Variants in C6orf118 observed in about 807,000 individuals in gnomAD.
C6orf118 encodes the protein chromosome 6 open reading frame 118.
In C6orf118, 50 loss-of-function variants were observed where a neutral mutation model predicts 50.2. The ratio of observed to expected loss-of-function variants is 1.00; its 90% CI spans 0.79 to 1.26. C6orf118 has a LOEUF of 1.26. Ranked by LOEUF, C6orf118 falls within the 50% of genes most tolerant of loss-of-function variation. The probability of loss-of-function intolerance (pLI) is 0.00; values close to 1 mark genes in which losing one functional copy is unlikely to be tolerated. For missense variants in C6orf118, 641 were observed against 578.7 expected (o/e 1.11, Z -1.10); for synonymous variants, 239 against 230.9 (o/e 1.03, Z -0.32).
chr6:165,306,315 G>A (rs1296454095), intron 1 of C6orf118, among the ~76,000 whole-genome samples: 2 of 65,192 alleles, frequency 3.1e-5, no homozygotes, highest in Admixed American at 1.9e-4. Flanking sequence ...CACACTCTGG[G>A]GACTGTGGTG....
At chr6:165,299,249 A>G (rs1328146650) in intron 4 of C6orf118, among the ~76,000 whole-genome samples, 194 bp downstream of exon 4, 2 of 152,256 alleles carry the variant, frequency 1.3e-5, no homozygotes, top group East Asian at 1.9e-4. Flanking sequence ...TGCTATGCCA[A>G]TCAAAAGGAA....
At chr6:165,289,618 C>T (rs1398624646) in intron 7 of C6orf118, among the ~76,000 whole-genome samples, 1 of 152,056 alleles carries the variant, frequency 6.6e-6, no homozygotes, top group East Asian at 1.9e-4. Flanking sequence ...GGCTATTATT[C>T]CACTCTGTAT....
rs1165464424 is a variant in C6orf118 at position 165,290,057 on chromosome 6, C to G, written c.1131G>C (p.Glu377Asp). 1.3e-6 allele frequency: 2 copies of G among 1,588,506 alleles called. No individual in the cohort carries two copies. The highest frequency in any genetic ancestry group is 2.7e-5 in the African/African-American group (2 of 73,794). ...QSAKERSESS[E>D]KHIIDENRLT... ...GTCGGTTTTCATCAATTATATGTTT[C>G]TCAGATGATTCTGGAAATATTTTTT... Residue 377 changes from glutamate (E) to aspartate (D), a missense_variant, in exon 7 of 9, where the codon GAG becomes GAC. Glu to Asp is a conservative substitution (Grantham distance 45). Coordinates refer to ENST00000230301, the MANE Select transcript of C6orf118 (RefSeq NM_144980.4).
At chr6:165,299,369 G>A in intron 4 of C6orf118, 74 bp downstream of exon 4, 2 of 1,362,188 alleles carry the variant, frequency 1.5e-6, no homozygotes, top group East Asian at 2.3e-5. Flanking sequence ...GATTCAGAAA[G>A]GTTTCCACTG....
At chr6:165,302,429 G>T in intron 1 of C6orf118, 133 bp from the exon 2 acceptor site, 1 of 1,169,042 alleles carries the variant, frequency 8.6e-7, no homozygotes, top group Non-Finnish European at 1.2e-6. Flanking sequence ...AGAGTACATG[G>T]CCCAGCCCTT....
intron 6 of C6orf118, among the ~76,000 whole-genome samples, chr6:165,292,727 A>G (rs1159280000): frequency 6.6e-6 from 1 of 152,210 alleles, no homozygotes; most frequent in African/African-American, 2.4e-5. Context: ...GACAGAGAAC[A>G]GGCGGGACAA....
chr6:165,283,929 G>T (rs979438167), intron 7 of C6orf118, among the ~76,000 whole-genome samples: 1 of 152,168 alleles, frequency 6.6e-6, no homozygotes, highest in African/African-American at 2.4e-5. Flanking sequence ...TCCTCCAAAT[G>T]ATCTCAACAC....
intron 6 of C6orf118, 126 bp downstream of exon 6, chr6:165,293,287 G>A (rs762678314): frequency 1.8e-5 from 16 of 885,608 alleles, no homozygotes; most frequent in African/African-American, 6.6e-5. Context: ...TTGAATTCTC[G>A]CAACAAAACT....
intron 7 of C6orf118, among the ~76,000 whole-genome samples, chr6:165,289,553 G>C (rs1453230213): frequency 6.6e-6 from 1 of 152,058 alleles, no homozygotes; most frequent in Non-Finnish European, 1.5e-5. Flanking sequence ...TACCCAGTAG[G>C]TAGTATTTCA....
intron 1 of C6orf118, among the ~76,000 whole-genome samples, chr6:165,304,632 T>C (rs1451852514): frequency 8.5e-5 from 1 of 11,698 alleles, no homozygotes; most frequent in Non-Finnish European, 1.4e-4. Flanking sequence ...AGTCTCAGGA[T>C]ACAAAATCAA....
chr6:165,308,882 T>C (rs1780841516), intron 1 of C6orf118, among the ~76,000 whole-genome samples: 1 of 152,214 alleles, frequency 6.6e-6, no homozygotes, highest in Non-Finnish European at 1.5e-5. Flanking sequence ...TTCTTTTAAA[T>C]CATTTTCTTG....
intron 1 of C6orf118, among the ~76,000 whole-genome samples, chr6:165,307,921 G>A (rs1780805366): frequency 1.3e-5 from 2 of 152,168 alleles, no homozygotes; most frequent in Non-Finnish European, 2.9e-5. Flanking sequence ...CCTACCAGCC[G>A]GAGAATCTTT....
chr6:165,284,536 G>T (rs1374403613), intron 7 of C6orf118, among the ~76,000 whole-genome samples: 3 of 152,098 alleles, frequency 2.0e-5, no homozygotes, highest in Non-Finnish European at 4.4e-5. Flanking sequence ...ATTCTCCAAG[G>T]TTGAAATGAA....
rs1448054236 is a variant in C6orf118, at chr6:165,302,088, C to T, written c.234G>A (p.Gln78=). The T allele has an allele frequency of 6.2e-7, 1 of 1,613,984 alleles. No individual in the cohort carries two copies. The highest frequency in any genetic ancestry group is 8.5e-7 in the Non-Finnish European group (1 of 1,180,026). ...TGGGCCGGTGGGCATTGGGCCAGTG[C>T]TGTAAGATCGTCTCCGGAGGCTGGT... ...KLYQPPETIL[Q]HWPNAHRPKG... is the part of the protein sequence containing the mutation. Residue 78 remains glutamine (Q), a synonymous_variant, in exon 2 of 9, where the codon CAG becomes CAA. Coordinates refer to ENST00000230301, the MANE Select transcript of C6orf118 (RefSeq NM_144980.4).
At chr6:165,301,235 C>A (rs2128163201) in intron 2 of C6orf118, among the ~76,000 whole-genome samples, 1 of 152,286 alleles carries the variant, frequency 6.6e-6, no homozygotes, top group South Asian at 2.1e-4. Flanking sequence ...GGACGAGCCT[C>A]TCAGCTCACC....
chr6:165,298,806 TCTC>T (rs1780408032), intron 4 of C6orf118, among the ~76,000 whole-genome samples: 1 of 152,216 alleles, frequency 6.6e-6, no homozygotes, highest in African/African-American at 2.4e-5. Context: ...CTAGAACTGA[TCTC>T]CTTGCAATGC....
In C6orf118 at chr6:165,294,278, A is replaced by AACC. The variant is rs1554230573; in HGVS notation, c.1062-808_1062-807insGGT. Among the ~76,000 whole-genome samples the AACC allele has an allele frequency of 5.8e-3, 871 of 150,294 alleles. 11 individuals carry two copies. The highest frequency in any genetic ancestry group is 0.02 in the African/African-American group (798 of 40,264). On this transcript the variant is annotated intron_variant, in intron 5 of 8. Coordinates refer to ENST00000230301, the MANE Select transcript of C6orf118 (RefSeq NM_144980.4). ...GCAAAAAAAAAAAAACAAAAAAAAAAAAAGTAAATAAATAAGTAAATAATA... is the reference window on the plus strand; with the variant it reads ...GCAAAAAAAAAAAAACAAAAAAAAAAACCAAAGTAAATAAATAAGTAAATAATA...
chr6:165,296,026 G>C (rs1780285563), intron 5 of C6orf118, among the ~76,000 whole-genome samples: 1 of 151,514 alleles, frequency 6.6e-6, no homozygotes, highest in African/African-American at 2.4e-5. Context: ...TCTGGAAGTG[G>C]CTTTGGAACA....
In C6orf118 at chr6:165,290,002, T is replaced by A; in HGVS notation, c.1186A>T (p.Arg396Trp). The A allele has an allele frequency of 6.2e-7, 1 of 1,610,440 alleles. No homozygotes were observed. Among genetic ancestry groups the A allele is most frequent in the African/African-American group, 1.3e-5 (1 of 74,944 alleles). The change falls in exon 7 of 9, where the codon AGG becomes TGG. Residue 396 changes from arginine to tryptophan, a missense_variant. Arg to Trp is a moderately radical substitution (Grantham distance 101). Transcript: ENST00000230301. ...TCCCACTTACTGAGTATTTCACACC[T>A]CTTCTTTTCAACCTTCTCAGTAAGA... The part of the protein sequence containing the change: ...LTLTEKVEKK[R>W]CEILSKWDEI...
Sources: gnomAD v4.1 joint callset for allele counts (sites outside exome capture counted in the v4.1 genomes callset) on GRCh38, gnomAD v4.1.1 for gene constraint, MANE v1.5 for transcripts, NCBI Gene and HGNC (gene_info 2026-07-23, HGNC 2026-07-21) for gene names.